The following ITPR1 variants were observed in gnomAD, a reference collection of about 807,000 sequenced individuals.
The protein encoded by ITPR1 is inositol 1,4,5-trisphosphate-gated calcium channel ITPR1.
A neutral mutation model predicts 318.4 loss-of-function variants in ITPR1; 96 were observed. The ratio of observed to expected loss-of-function variants is 0.30; its 90% CI spans 0.26 to 0.36. The LOEUF is 0.36. Among genes scored for constraint, ITPR1 ranks in the 10% least tolerant of loss-of-function variants. The pLI, the probability that ITPR1 is intolerant of heterozygous loss-of-function variation, is 1.00. For missense variants in ITPR1, 2,440 were observed against 3,460.2 expected (o/e 0.71, Z 7.40); for synonymous variants, 1,312 against 1,289.9 (o/e 1.02, Z -0.37).
intron 4 of ITPR1, among the ~76,000 whole-genome samples, chr3:4,542,267 T>C (rs1326389395): frequency 1.3e-5 from 2 of 152,176 alleles, no homozygotes; most frequent in African/African-American, 4.8e-5. Flanking sequence ...GAAAATGGTA[T>C]CTTATTTCCC....
chr3:4,723,191 C>T (rs368189680), intron 40 of ITPR1, among the ~76,000 whole-genome samples: 51 of 152,246 alleles, frequency 3.3e-4, no homozygotes, highest in African/African-American at 1.2e-3. Context: ...GCTTTGTCCT[C>T]CTTGAGTAGG....
chr3:4,543,884 C>T (rs772594663), intron 4 of ITPR1, among the ~76,000 whole-genome samples: 1 of 152,212 alleles, frequency 6.6e-6, no homozygotes, highest in Non-Finnish European at 1.5e-5. Flanking sequence ...GTCTCAAAAT[C>T]GTGTCTTTTT....
At chr3:4,596,016 C>T (rs572059890) in intron 4 of ITPR1, 2 of 152,240 alleles carry the variant, frequency 1.3e-5, no homozygotes, top group African/African-American at 2.4e-5. Flanking sequence ...AAATCAGATC[C>T]CCTGATTTAT....
In ITPR1 at chr3:4,756,577, C is replaced by T. The variant is rs767181150; in HGVS notation, c.5545-9953C>T. On this transcript the variant is annotated intron_variant, in intron 44 of 61. Transcript: ENST00000649015. ...GCTCCCACTTATACGCCAGAACGTG[C>T]AGTATTTGGTTTCCTGTTCCTGCAT... is the stretch of plus-strand genomic sequence containing the variant. Among the ~76,000 whole-genome samples the T allele has an allele frequency of 2.3e-4, 35 of 152,182 alleles. 1 individual carries two copies. In the South Asian group the frequency reaches 3.7e-3, roughly 16 times the overall value.
chr3:4,639,822 T>C (rs1261380281), intron 6 of ITPR1, among the ~76,000 whole-genome samples: 1 of 152,172 alleles, frequency 6.6e-6, no homozygotes, highest in Non-Finnish European at 1.5e-5. Context: ...AGCTTCCCTA[T>C]AACTTTTATC....
At chr3:4,543,854 C>T (rs2084706428) in intron 4 of ITPR1, among the ~76,000 whole-genome samples, 1 of 152,184 alleles carries the variant, frequency 6.6e-6, no homozygotes, top group Non-Finnish European at 1.5e-5. Flanking sequence ...CAGAGATAGG[C>T]AATATCTTAT....
rs144878331 is a variant in ITPR1 at position 4,622,673 on chromosome 3, A to G, written c.164-5090A>G. Among the ~76,000 whole-genome samples the G allele has an allele frequency of 6.7e-3, 1,019 of 152,322 alleles. 33 individuals are homozygous for G. The highest frequency in any genetic ancestry group is 0.059 in the Admixed American group (910 of 15,302). ...CGTGATCCTCCTGTCTCGGCCTCCCAAAGTCCTGGGCTTACAGGTGTGAGC... is the reference window on the plus strand; with the variant it reads ...CGTGATCCTCCTGTCTCGGCCTCCCGAAGTCCTGGGCTTACAGGTGTGAGC... On this transcript the variant is annotated intron_variant, in intron 4 of 61. Transcript: ENST00000649015.
intron 4 of ITPR1, among the ~76,000 whole-genome samples, chr3:4,554,887 A>G (rs932353712): frequency 6.6e-6 from 1 of 152,208 alleles, no homozygotes; most frequent in Non-Finnish European, 1.5e-5. Flanking sequence ...CAAAAATGGC[A>G]ATAAAAGAAC....
intron 4 of ITPR1, among the ~76,000 whole-genome samples, chr3:4,548,479 C>G (rs2085244891): frequency 6.6e-6 from 1 of 152,178 alleles, no homozygotes; most frequent in Non-Finnish European, 1.5e-5. Context: ...TATTTAGCAA[C>G]TGTTTAATTT....
intron 18 of ITPR1, among the ~76,000 whole-genome samples, chr3:4,668,189 A>G (rs1389886928): frequency 1.3e-5 from 2 of 151,748 alleles, no homozygotes; most frequent in Admixed American, 1.3e-4. Context: ...TTACCTACAA[A>G]CAGTAGGTCT....
At chr3:4,510,355 TA>T (rs1355338467) in intron 2 of ITPR1, among the ~76,000 whole-genome samples, 1 of 152,176 alleles carries the variant, frequency 6.6e-6, no homozygotes, top group Non-Finnish European at 1.5e-5. Context: ...TTTATGTTTC[TA>T]AAATATCATG....
intron 44 of ITPR1, among the ~76,000 whole-genome samples, chr3:4,752,706 C>G (rs1479130591): frequency 6.6e-6 from 1 of 152,212 alleles, no homozygotes; most frequent in Non-Finnish European, 1.5e-5. Flanking sequence ...ACTGTGTTGA[C>G]CAAGCTGGCC....
chr3:4,793,889 C>A (rs1242923406), intron 52 of ITPR1, among the ~76,000 whole-genome samples: 1 of 152,188 alleles, frequency 6.6e-6, no homozygotes, highest in Non-Finnish European at 1.5e-5. Flanking sequence ...TAATAAATTA[C>A]CCAGGGCTCT....
At position 4,538,280 on chromosome 3, in the gene ITPR1, A is replaced by G. The variant is rs150968954; in HGVS notation, c.163+17186A>G. 3.9e-4 allele frequency among the ~76,000 whole-genome samples: 60 copies of G among 152,352 alleles called. No homozygotes were observed. In the East Asian group the frequency reaches 8.1e-3, roughly 21 times the overall value. On this transcript the variant is annotated intron_variant, in intron 4 of 61. Coordinates refer to ENST00000649015, the MANE Select transcript of ITPR1 (RefSeq NM_001378452.1). ...CTCAAAAGAAGACATTTATGTGGCC[A>G]AGAAACATATGAAAAAAGCTCGACA...
intron 23 of ITPR1, 77 bp from the exon 24 acceptor site, chr3:4,676,537 A>G: frequency 9.6e-7 from 1 of 1,038,058 alleles, no homozygotes; most frequent in Non-Finnish European, 1.4e-6. Context: ...TCTCTCAAAG[A>G]GCCCCTGCCC....
At chr3:4,723,999 G>T (rs1172311785) in intron 40 of ITPR1, among the ~76,000 whole-genome samples, 1 of 152,184 alleles carries the variant, frequency 6.6e-6, no homozygotes, top group East Asian at 1.9e-4. Context: ...AGTTAAAAAT[G>T]CATTCTTGGA....
At chr3:4,724,272 T>G (rs569209101) in intron 40 of ITPR1, 1 of 152,242 alleles carries the variant, frequency 6.6e-6, no homozygotes, top group Non-Finnish European at 1.5e-5. Flanking sequence ...ATTTTCTCTG[T>G]TGGGAAATAG....
chr3:4,732,554 TTTG>T (rs2043000371), intron 42 of ITPR1, among the ~76,000 whole-genome samples: 2 of 152,204 alleles, frequency 1.3e-5, no homozygotes, highest in South Asian at 2.1e-4. Context: ...TTATGAGGTT[TTTG>T]TTGTTGTTTT....
chr3:4,750,735 C>T (rs2044442074), intron 44 of ITPR1: 2 of 151,472 alleles, frequency 1.3e-5, no homozygotes, highest in African/African-American at 4.9e-5. Flanking sequence ...CCCTTCCTTT[C>T]TTTCTTTCTT....
Sources: allele counts gnomAD v4.1 joint callset (sites outside exome capture counted in the v4.1 genomes callset), GRCh38; gene constraint gnomAD v4.1.1; transcripts MANE v1.5; gene names NCBI Gene and HGNC (gene_info 2026-07-23, HGNC 2026-07-21).